Variants in ECHDC2 observed in about 807,000 individuals in gnomAD.
ECHDC2 encodes enoyl-CoA hydratase domain containing 2, also known as enoyl-CoA hydratase domain-containing protein 2, mitochondrial.
Under a neutral mutation model 40.6 loss-of-function variants are expected in ECHDC2, and 34 were observed. That is an observed-to-expected ratio of 0.84 (90% CI 0.64 to 1.11). ECHDC2 has a LOEUF of 1.11. Among genes scored for constraint, ECHDC2 ranks in the 50% most tolerant of loss-of-function variants. The pLI, the probability that ECHDC2 is intolerant of heterozygous loss-of-function variation, is 0.00. For missense variants in ECHDC2, 392 were observed against 400.7 expected (o/e 0.98, Z 0.19); for synonymous variants, 162 against 166.6 (o/e 0.97, Z 0.21).
chr1:52,905,235 T>C (rs1379469342), intron 5 of ECHDC2, 145 bp from the exon 6 acceptor site: 1 of 826,470 alleles, frequency 1.2e-6, no homozygotes, highest in Non-Finnish European at 1.9e-6. Context: ...CTCCAGACTC[T>C]GCCTTTGGAA....
At chr1:52,899,327 G>A in intron 7 of ECHDC2, 103 bp from the exon 8 acceptor site, 2 of 1,103,168 alleles carry the variant, frequency 1.8e-6, no homozygotes, top group Non-Finnish European at 1.3e-6. Context: ...AGATGTCTGG[G>A]TCTGGTTCCA....
At chr1:52,907,495 G>T in intron 4 of ECHDC2, 1 of 205,618 alleles carries the variant, frequency 4.9e-6, no homozygotes, top group Non-Finnish European at 9.7e-6. Flanking sequence ...GGGTTGGGAA[G>T]GCTTCCTGGA....
intron 4 of ECHDC2, 33 bp from the exon 5 acceptor site, chr1:52,906,644 G>T (rs769838832): frequency 3.2e-6 from 5 of 1,559,808 alleles, no homozygotes; most frequent in Non-Finnish European, 3.5e-6. Context: ...AGCCTGCAAA[G>T]CCCTGGTGGG....
At chr1:52,897,593 T>C (rs1646719655) in intron 8 of ECHDC2, 109 bp from the exon 9 acceptor site, 1 of 1,050,034 alleles carries the variant, frequency 9.5e-7, no homozygotes, top group Non-Finnish European at 1.5e-6. Context: ...CAGAGATAGC[T>C]ATGAGAAGGA....
rs1647936469 is a variant in ECHDC2, at chr1:52,906,682, G to C, written c.365-71C>G. 5.3e-6 allele frequency: 7 copies of C among 1,319,020 alleles called. No individual in the cohort carries two copies. In the East Asian group the frequency reaches 1.7e-4, roughly 33 times the overall value. The allele number at this position is 1,319,020 out of a possible 1,614,324, so 81.7% of individuals were successfully genotyped here. ...CAGGACAGAGACTCAAGGCTGGGGA[G>C]GGGCAAGCTGGTTGGGACAGAGGCC... On this transcript the variant is annotated intron_variant, in intron 4 of 9. Coordinates refer to ENST00000371522, the MANE Select transcript of ECHDC2 (RefSeq NM_001198961.2).
chr1:52,912,698 C>T (rs1017929581), intron 1 of ECHDC2: 1 of 152,088 alleles, frequency 6.6e-6, no homozygotes, highest in Non-Finnish European at 1.5e-5. Flanking sequence ...ATAGTAATCA[C>T]CTCTGTGTAT....
At chr1:52,904,606 T>C in intron 7 of ECHDC2, 40 bp downstream of exon 7, 2 of 1,513,852 alleles carry the variant, frequency 1.3e-6, no homozygotes, top group Non-Finnish European at 1.8e-6. Flanking sequence ...GCCTCCCCCA[T>C]GACTCCAGCC....
chr1:52,905,259 G>A, intron 5 of ECHDC2, 169 bp from the exon 6 acceptor site: 2 of 656,130 alleles, frequency 3.0e-6, no homozygotes, highest in Non-Finnish European at 5.3e-6. Context: ...CCCTAGCCCA[G>A]AAGTCAGGAG....
intron 1 of ECHDC2, chr1:52,920,657 T>G: frequency 1.4e-6 from 1 of 735,420 alleles, no homozygotes; most frequent in Non-Finnish European, 2.3e-6. Context: ...TAAACCTCTC[T>G]ATTCCCTGCC....
intron 3 of ECHDC2, among the ~76,000 whole-genome samples, chr1:52,910,360 T>C (rs1020167309): frequency 0.02 from 1,862 of 92,914 alleles, 197 homozygotes; most frequent in African/African-American, 0.081. Context: ...TCGTTTTTTT[T>C]TTTTTTTTTT....
rs777769630 is a variant in ECHDC2, at chr1:52,904,753, T to C, written c.595A>G (p.Thr199Ala). The change falls in exon 7 of 10, where the codon ACT becomes GCT. Residue 199 changes from threonine (T) to alanine (A), a missense_variant. Coordinates refer to ENST00000371522, the MANE Select transcript of ECHDC2 (RefSeq NM_001198961.2). ...LIFTGRRLSG[T>A]EAHVLGLVNH... ...ACCAGCCCCAGTACGTGGGCCTCAG[T>C]TCCACTCAGTCGTCGGCCCGTGAAG... 1.9e-6 allele frequency: 3 copies of C among 1,613,008 alleles called. No homozygotes were observed. The highest frequency in any genetic ancestry group is 2.5e-6 in the Non-Finnish European group (3 of 1,179,990).
chr1:52,921,617 G>A lies in ECHDC2; in HGVS notation c.57C>T (p.Cys19=). 1.9e-6 allele frequency: 3 copies of A among 1,598,110 alleles called. No individual in the cohort carries two copies. The highest frequency in any genetic ancestry group is 8.5e-7 in the Non-Finnish European group (1 of 1,173,250). Residue 19 remains cysteine, a synonymous_variant, in exon 1 of 10, where the codon TGC becomes TGT. Transcript: ENST00000371522. ...AGCCCCCGGCCGCCCCGTCGGAAGC[G>A]CAGCCGCGGGCCCGAAGGGGCCTCC... ...RPWRPLRARG[C]ASDGAAGGSE...
intron 8 of ECHDC2, 84 bp downstream of exon 8, chr1:52,899,090 C>T (rs1646820119): frequency 7.1e-7 from 1 of 1,407,986 alleles, no homozygotes; most frequent in Non-Finnish European, 1.0e-6. Context: ...TTTTTCCCAG[C>T]TGTGCTGTCT....
intron 7 of ECHDC2, chr1:52,901,547 C>CTG (rs1646996070): frequency 6.6e-6 from 1 of 152,162 alleles, no homozygotes; most frequent in Admixed American, 6.6e-5. Flanking sequence ...CATTTGCTAC[C>CTG]CTATCAGAGT....
upstream of ECHDC2, chr1:52,921,743 A>C (rs1204211899): frequency 1.4e-6 from 2 of 1,424,210 alleles, no homozygotes; most frequent in Non-Finnish European, 1.8e-6. Context: ...GAGAGCTCGC[A>C]GTTCCGGCGT....
At chr1:52,899,265 GGCTGATA>G in intron 7 of ECHDC2, 41 bp from the exon 8 acceptor site, 1 of 1,602,868 alleles carries the variant, frequency 6.2e-7, no homozygotes, top group South Asian at 1.1e-5. Context: ...AGGGCATCAA[GGCTGATA>G]GTTGCAGGTC....
chr1:52,904,199 G>T (rs1205942853), intron 7 of ECHDC2, among the ~76,000 whole-genome samples: 2 of 152,122 alleles, frequency 1.3e-5, no homozygotes, highest in Non-Finnish European at 2.9e-5. Context: ...TTAGAATCTT[G>T]CTTTTTCAGT....
At chr1:52,913,844 T>C (rs556630758) in intron 1 of ECHDC2, 1 of 878,288 alleles carries the variant, frequency 1.1e-6, no homozygotes, top group South Asian at 2.5e-5. Flanking sequence ...AGATGCATAA[T>C]GACACGTATC....
chr1:52,902,289 T>C (rs1647040598), intron 7 of ECHDC2, among the ~76,000 whole-genome samples: 1 of 152,204 alleles, frequency 6.6e-6, no homozygotes. Context: ...CCTGAGTAGC[T>C]GTAATAAAAG....
Sources: gnomAD v4.1 joint callset for allele counts (sites outside exome capture counted in the v4.1 genomes callset) on GRCh38, gnomAD v4.1.1 for gene constraint, MANE v1.5 for transcripts, NCBI Gene and HGNC (gene_info 2026-07-23, HGNC 2026-07-21) for gene names.